ABCC10: variants seen among roughly 807,000 people sequenced by gnomAD.
ABCC10 encodes ATP binding cassette subfamily C member 10, also known as ATP-binding cassette sub-family C member 10.
In ABCC10, 110 loss-of-function variants were observed where a neutral mutation model predicts 143.2. The ratio of observed to expected loss-of-function variants is 0.77; its 90% CI spans 0.66 to 0.90. ABCC10 has a LOEUF of 0.90. Ranked by LOEUF, ABCC10 falls within the 40% of genes least tolerant of loss-of-function variation. The probability of loss-of-function intolerance (pLI) is 0.00; values close to 1 mark genes in which losing one functional copy is unlikely to be tolerated. For missense variants in ABCC10, 1,700 were observed against 1,900.5 expected (o/e 0.89, Z 1.96); for synonymous variants, 805 against 846.7 (o/e 0.95, Z 0.85).
At chr6:43,447,534 C>G (rs1414866820) in intron 17 of ABCC10, 126 bp downstream of exon 17, 40 of 1,551,922 alleles carry the variant, frequency 2.6e-5, no homozygotes, top group Non-Finnish European at 3.5e-5. Flanking sequence ...ATGATGACCA[C>G]AATTCTTCAC....
At chr6:43,433,477 G>A (rs780851802) in intron 3 of ABCC10, 117 bp downstream of exon 3, 1 of 1,430,230 alleles carries the variant, frequency 7.0e-7, no homozygotes, top group Non-Finnish European at 9.2e-7. Context: ...TAAGAGCTGA[G>A]ACTGGAGAAA....
chr6:43,438,881 A>G lies in ABCC10; in HGVS notation c.2127+86A>G, dbSNP rs1782032068. 4 of 1,516,370 alleles carry G rather than the reference A, an allele frequency of 2.6e-6. No individual in the cohort carries two copies. In the South Asian group the frequency reaches 3.6e-5, roughly 14 times the overall value. The allele number at this position is 1,516,370 out of a possible 1,614,324, so 93.9% of individuals were successfully genotyped here. A position where few individuals can be genotyped will look rare whatever the true frequency, so the allele number is the denominator to read the frequency against. On this transcript the variant is annotated intron_variant, in intron 8 of 21. Coordinates refer to ENST00000372530, the MANE Select transcript of ABCC10 (RefSeq NM_001198934.2). Reference sequence around the variant, plus strand: ...AACCAGGAGCTTTGCTTTTCTGGAAAGGGGTTGCTTCTACTCGGGCATCAC... The same window carrying G: ...AACCAGGAGCTTTGCTTTTCTGGAAGGGGGTTGCTTCTACTCGGGCATCAC...
chr6:43,446,492 C>A (rs1345909272), intron 16 of ABCC10, 46 bp downstream of exon 16: 1 of 1,578,858 alleles, frequency 6.3e-7, no homozygotes, highest in Admixed American at 1.7e-5. Context: ...CAAGTTAGTC[C>A]ACCGCTCTCC....
intron 18 of ABCC10, among the ~76,000 whole-genome samples, chr6:43,448,323 AACCCTTC>A (rs1783351191): frequency 1.3e-5 from 2 of 152,134 alleles, no homozygotes; most frequent in African/African-American, 4.8e-5. Flanking sequence ...GAGGGTATAC[AACCCTTC>A]CTTACCTCCA....
chr6:43,440,102 G>GCCCAC (rs1782211586), intron 8 of ABCC10, among the ~76,000 whole-genome samples: 1 of 152,058 alleles, frequency 6.6e-6, no homozygotes, highest in Non-Finnish European at 1.5e-5. Flanking sequence ...GACTACAGGT[G>GCCCAC]TAAGCTGCCA....
intron 2 of ABCC10, chr6:43,431,863 T>TA (rs1278403294): frequency 6.2e-4 from 794 of 1,275,908 alleles, no homozygotes; most frequent in South Asian, 1.8e-3. Context: ...GTCTGTGGTT[T>TA]AAAAAAAAAC....
At chr6:43,445,391 A>G (rs1288061816) in intron 14 of ABCC10, 77 bp downstream of exon 14, 1 of 1,494,662 alleles carries the variant, frequency 6.7e-7, no homozygotes, top group Non-Finnish European at 9.1e-7. Context: ...CTCGGGCTCC[A>G]CTGGGGATGG....
Position 43,427,987 on chromosome 6 carries a change from A to G in ABCC10, c.9A>G (p.Arg3=), listed in dbSNP as rs751336460. 1 of 1,611,974 alleles carries G rather than the reference A, an allele frequency of 6.2e-7. No individual in the cohort carries two copies. The highest frequency in any genetic ancestry group is 1.1e-5 in the South Asian group (1 of 90,880). The change falls in exon 2 of 22, where the codon CGA becomes CGG. Residue 3 remains arginine, a synonymous_variant. Transcript: ENST00000372530. ...CTTCAGGTGAGGCGTCCATGGAACG[A>G]CTTCTGGCCCAGCTGTGCGGCAGCA... is the stretch of plus-strand genomic sequence containing the variant. The part of the protein sequence containing the change: ME[R]LLAQLCGSSA...
intron 2 of ABCC10, 67 bp from the exon 3 acceptor site, chr6:43,432,075 G>A (rs1781197032): frequency 6.3e-7 from 1 of 1,575,588 alleles, no homozygotes; most frequent in Non-Finnish European, 8.6e-7. Flanking sequence ...AATTATTGGA[G>A]GTGAGGGGTA....
At chr6:43,448,169 C>A in intron 18 of ABCC10, 1 of 691,766 alleles carries the variant, frequency 1.4e-6, no homozygotes, top group East Asian at 2.9e-5. Context: ...ACCTTTCCAG[C>A]TTCATCTTTC....
Position 43,440,819 on chromosome 6 carries a change from G to A in ABCC10, c.2128-1043G>A, listed in dbSNP as rs139988336. Among the ~76,000 whole-genome samples the A allele has an allele frequency of 6.0e-3, 846 of 141,428 alleles. 7 individuals carry two copies. The highest frequency in any genetic ancestry group is 0.02 in the African/African-American group (753 of 38,108). 92.8% of individuals were successfully genotyped at this position (141,428 alleles called of 152,430 possible). On this transcript the variant is annotated intron_variant, in intron 8 of 21. Coordinates refer to ENST00000372530, the MANE Select transcript of ABCC10 (RefSeq NM_001198934.2). ...GCGGAGGTTTCAGTGAGCCAAGATCGCGCCATTGTACTCCAGCCTGTGCAA... is the reference window on the plus strand; with the variant it reads ...GCGGAGGTTTCAGTGAGCCAAGATCACGCCATTGTACTCCAGCCTGTGCAA...
rs761236583 is a variant in ABCC10 at position 43,432,341 on chromosome 6, G to A, written c.361G>A (p.Val121Met). The stretch of plus-strand genomic sequence containing the variant: ...GATCAGCCACAGCCTGGCCCTGTGG[G>A]TGTTGGCACATTCCCCTCATGGCCA... ...AWISHSLALW[V>M]LAHSPHGHSR... The change falls in exon 3 of 22, where the codon GTG (valine) becomes ATG (methionine). Residue 121 changes from valine to methionine, a missense_variant. By Grantham distance (21) the Val-to-Met change is conservative. Transcript: ENST00000372530. 2.5e-5 allele frequency: 40 copies of A among 1,613,870 alleles called. No individual in the cohort carries two copies. Among genetic ancestry groups the A allele is most frequent in the Non-Finnish European group, 2.3e-5 (27 of 1,180,040 alleles).
chr6:43,428,475 A>C (rs1780741738), intron 2 of ABCC10, among the ~76,000 whole-genome samples: 1 of 152,166 alleles, frequency 6.6e-6, no homozygotes. Flanking sequence ...TGGAGGCAGA[A>C]TTGGGGGAAC....
intron 8 of ABCC10, 88 bp downstream of exon 8, chr6:43,438,883 G>C: frequency 6.6e-7 from 1 of 1,506,066 alleles, no homozygotes; most frequent in Non-Finnish European, 9.1e-7. Flanking sequence ...TTCTGGAAAG[G>C]GGTTGCTTCT....
chr6:43,437,789 G>A (rs891994846), intron 6 of ABCC10, 145 bp from the exon 7 acceptor site: 4 of 754,866 alleles, frequency 5.3e-6, no homozygotes, highest in Non-Finnish European at 8.7e-6. Context: ...CTGTGAAGCG[G>A]AGAATTCTTT....
In ABCC10 at chr6:43,444,019, C is replaced by G; in HGVS notation, c.2494+9C>G. The G allele has an allele frequency of 3.1e-6, 5 of 1,613,440 alleles. No individual in the cohort carries two copies. Among genetic ancestry groups the G allele is most frequent in the Non-Finnish European group, 4.2e-6 (5 of 1,179,328 alleles). ...ACAAGAGTCTGACTCAGGTATGGCT[C>G]CCCAGTGGGAGAAAAGGGCTTGCTT... On this transcript the variant is annotated intron_variant, in intron 11 of 21. Coordinates refer to ENST00000372530, the MANE Select transcript of ABCC10 (RefSeq NM_001198934.2).
At position 43,433,015 on chromosome 6, in the gene ABCC10, G is replaced by A. The variant is rs145139535; in HGVS notation, c.1035G>A (p.Gly345=). ...GTGCTGTGCTGCAGAATCAGTATGG[G>A]TATGAGGTATATAAGGTAACACTTC... The part of the protein sequence containing the change: ...VLGAVLQNQY[G]YEVYKVTLQA... The change falls in exon 3 of 22, where the codon GGG becomes GGA. Residue 345 remains glycine (G), a synonymous_variant. Coordinates refer to ENST00000372530, the MANE Select transcript of ABCC10 (RefSeq NM_001198934.2). The A allele has an allele frequency of 1.2e-4, 200 of 1,614,186 alleles. No individual in the cohort carries two copies. Among genetic ancestry groups the A allele is most frequent in the Non-Finnish European group, 7.5e-5 (88 of 1,180,032 alleles).
intron 12 of ABCC10, 27 bp from the exon 13 acceptor site, chr6:43,444,761 A>C (rs780922450): frequency 6.4e-7 from 1 of 1,558,522 alleles, no homozygotes; most frequent in Non-Finnish European, 8.7e-7. Flanking sequence ...AGCCTCTTAC[A>C]GCTTTTTCCT....
intron 2 of ABCC10, chr6:43,431,839 T>C: frequency 8.0e-7 from 1 of 1,250,326 alleles, no homozygotes; most frequent in East Asian, 3.5e-5. Context: ...CAATCTTACC[T>C]CAAAATTGTT....
Sources: gnomAD v4.1 joint callset for allele counts (sites outside exome capture counted in the v4.1 genomes callset) on GRCh38, gnomAD v4.1.1 for gene constraint, MANE v1.5 for transcripts, NCBI Gene and HGNC (gene_info 2026-07-23, HGNC 2026-07-21) for gene names.